The following CFHR5 variants were observed in gnomAD, a reference collection of about 807,000 sequenced individuals.
CFHR5 encodes complement factor H-related protein 5.
In CFHR5, 73 loss-of-function variants were observed where a neutral mutation model predicts 62.9. The observed-to-expected ratio is 1.16, with a 90% CI of 0.96 to 1.41. The LOEUF (loss-of-function observed/expected upper bound fraction) is 1.41, where lower values mean the gene tolerates loss of function less well. CFHR5 is among the 40% of genes most tolerant of loss of function. CFHR5 has a pLI of 0.00. For synonymous variants in CFHR5, 249 were observed against 227.2 expected, an observed-to-expected ratio of 1.10 and a Z score of -0.86; for missense variants, 779 against 679.9, an observed-to-expected ratio of 1.15 and a Z score of -1.62.
At chr1:196,981,763 T>C (rs578090020) in intron 1 of CFHR5, among the ~76,000 whole-genome samples, 2 of 152,126 alleles carry the variant, frequency 1.3e-5, no homozygotes, top group East Asian at 3.9e-4. Context: ...GCATATAACA[T>C]ATGCACATCC....
chr1:196,994,232 T>A lies in CFHR5; in HGVS notation c.583T>A (p.Ser195Thr), dbSNP rs318240755. Residue 195 changes from serine to threonine, a missense_variant, in exon 4 of 10, where the codon TCA (serine) becomes ACA (threonine). By Grantham distance (58) the Ser-to-Thr change is moderately conservative. Transcript: ENST00000256785. ...AGTTCAATGTTACCAATTTGGGTGG[T>A]CACCTAACTTTCCAACATGCAAAGG... Reference protein sequence around the residue: ...DSVQCYQFGWSPNFPTCKGQV... With the variant: ...DSVQCYQFGWTPNFPTCKGQV... The A allele has an allele frequency of 1.7e-5, 28 of 1,613,424 alleles. No individual in the cohort carries two copies. Among genetic ancestry groups the A allele is most frequent in the Non-Finnish European group, 2.4e-5 (28 of 1,179,656 alleles).
chr1:196,984,432 C>T (rs536167889), intron 3 of CFHR5, among the ~76,000 whole-genome samples: 1 of 152,054 alleles, frequency 6.6e-6, no homozygotes, highest in Admixed American at 6.6e-5. Context: ...TAAATGGTTA[C>T]AAAACTGAGG....
intron 3 of CFHR5, among the ~76,000 whole-genome samples, chr1:196,984,578 G>A (rs1205911771): frequency 6.6e-6 from 1 of 152,086 alleles, no homozygotes; most frequent in Non-Finnish European, 1.5e-5. Context: ...CTTCTGAGAG[G>A]TATGTGTATT....
rs575846706 is a variant in CFHR5 at position 196,984,877 on chromosome 1, C to T, written c.430+740C>T. The stretch of plus-strand genomic sequence containing the variant: ...CCAAGACTGACCTTACTAGTCTCAA[C>T]TAAAGAAGACCACTGAGTTCTTCCT... On this transcript the variant is annotated intron_variant, in intron 3 of 9. Coordinates refer to ENST00000256785, the MANE Select transcript of CFHR5 (RefSeq NM_030787.4). 3.3e-5 allele frequency among the ~76,000 whole-genome samples: 5 copies of T among 152,272 alleles called. No homozygotes were observed. In the South Asian group the frequency reaches 8.3e-4, roughly 25 times the overall value.
chr1:196,987,581 G>A (rs1653726830), intron 3 of CFHR5, among the ~76,000 whole-genome samples: 1 of 152,116 alleles, frequency 6.6e-6, no homozygotes, highest in South Asian at 2.1e-4. Context: ...TTCTACATAT[G>A]GCCAGGCAGT....
intron 3 of CFHR5, among the ~76,000 whole-genome samples, chr1:196,988,979 T>C (rs901993033): frequency 2.0e-5 from 3 of 152,094 alleles, no homozygotes; most frequent in Admixed American, 6.6e-5. Flanking sequence ...GGTAGAATTC[T>C]GCTGTGAATC....
chr1:197,002,843 G>C (rs1324625843), intron 8 of CFHR5, among the ~76,000 whole-genome samples, 179 bp downstream of exon 8: 1 of 152,122 alleles, frequency 6.6e-6, no homozygotes, highest in Non-Finnish European at 1.5e-5. Flanking sequence ...ATCTCCAACA[G>C]TGTTCATAGA....
In CFHR5 at chr1:196,982,988, C is replaced by A; in HGVS notation, c.162C>A (p.Ser54=). The change falls in exon 2 of 10, where the codon TCC becomes TCA. Residue 54 remains serine (S), a synonymous_variant. Coordinates refer to ENST00000256785, the MANE Select transcript of CFHR5 (RefSeq NM_030787.4). ...QVPTGEVFYY[S]CEYNFVSPSK... ...CTACAGGGGAAGTTTTCTATTACTC[C>A]TGTGAATATAATTTTGTGTCTCCTT... The A allele has an allele frequency of 1.2e-6, 2 of 1,614,074 alleles. No homozygotes were observed. The highest frequency in any genetic ancestry group is 1.7e-6 in the Non-Finnish European group (2 of 1,180,012).
intron 9 of CFHR5, among the ~76,000 whole-genome samples, chr1:197,007,588 CAT>C (rs1429913669): frequency 1.3e-5 from 2 of 150,248 alleles, no homozygotes; most frequent in Non-Finnish European, 3.0e-5. Flanking sequence ...ATTACATATA[CAT>C]GTGTGTATAT....
chr1:196,998,021 A>G, intron 6 of CFHR5, 107 bp from the exon 7 acceptor site: 1 of 726,736 alleles, frequency 1.4e-6, no homozygotes, highest in South Asian at 2.0e-5. Flanking sequence ...GATTAAGAAT[A>G]AGTTTTGTGA....
At chr1:196,980,460 T>C (rs1323100379) in intron 1 of CFHR5, among the ~76,000 whole-genome samples, 1 of 152,122 alleles carries the variant, frequency 6.6e-6, no homozygotes, top group East Asian at 1.9e-4. Flanking sequence ...TGGATTATGA[T>C]GTTGTGGTGG....
At chr1:196,985,943 A>G (rs1441824498) in intron 3 of CFHR5, among the ~76,000 whole-genome samples, 1 of 152,210 alleles carries the variant, frequency 6.6e-6, no homozygotes, top group Admixed American at 6.6e-5. Flanking sequence ...ATTTTATTTA[A>G]TCAGAAAAAG....
chr1:196,985,930 C>A (rs72468006), intron 3 of CFHR5, among the ~76,000 whole-genome samples: 30,530 of 152,108 alleles, frequency 0.2, 3,259 homozygotes, highest in Middle Eastern at 0.34. Flanking sequence ...CAAAATTTAG[C>A]ACATTTTATT....
At chr1:196,993,174 C>T (rs578119538) in intron 3 of CFHR5, among the ~76,000 whole-genome samples, 1 of 152,096 alleles carries the variant, frequency 6.6e-6, no homozygotes. Flanking sequence ...TTCAAAAAAC[C>T]TAGATGGGTT....
Position 197,009,648 on chromosome 1 carries a change from A to G in CFHR5, c.*965A>G, listed in dbSNP as rs1190308650. 1 of 152,060 alleles carries G rather than the reference A, an allele frequency of 6.6e-6. No homozygotes were observed. 9.4% of individuals were successfully genotyped at this position (152,060 alleles called of 1,614,324 possible). A position where few individuals can be genotyped will look rare whatever the true frequency, so the allele number is the denominator to read the frequency against. ...CTATCCAATACTAAATACCCCTTAAAGTATTAAATGCACTATCTGCTGTAA... is the reference window on the plus strand; with the variant it reads ...CTATCCAATACTAAATACCCCTTAAGGTATTAAATGCACTATCTGCTGTAA... On this transcript the variant is annotated 3_prime_UTR_variant, in exon 10 of 10. Coordinates refer to ENST00000256785, the MANE Select transcript of CFHR5 (RefSeq NM_030787.4).
intron 1 of CFHR5, among the ~76,000 whole-genome samples, chr1:196,981,735 G>C (rs1292506429): frequency 1.3e-5 from 2 of 151,880 alleles, no homozygotes; most frequent in Non-Finnish European, 2.9e-5. Context: ...GTCTCTAAGA[G>C]AGAATGGCGT....
chr1:196,998,875 C>T (rs775284637), intron 7 of CFHR5, among the ~76,000 whole-genome samples: 29 of 151,958 alleles, frequency 1.9e-4, no homozygotes, highest in Middle Eastern at 6.8e-3. Context: ...AAACAAAGTG[C>T]TTATAAAGGA....
chr1:197,004,591 A>G, intron 8 of CFHR5, 70 bp from the exon 9 acceptor site: 1 of 1,173,130 alleles, frequency 8.5e-7, no homozygotes, highest in Non-Finnish European at 1.3e-6. Flanking sequence ...AAGATATGAT[A>G]CATGATGCTT....
Position 196,998,191 on chromosome 1 carries a change from C to A in CFHR5, c.1034C>A (p.Ser345Tyr), listed in dbSNP as rs1183233748. The stretch of plus-strand genomic sequence containing the variant: ...AATATAAAAACATTACTCAAGCTAT[C>A]TGGGAAAGAATTTAATCATAATTCT... ...GVNIKTLLKL[S>Y]GKEFNHNSRI... Residue 345 changes from serine (S) to tyrosine (Y), a missense_variant, in exon 7 of 10, where the codon TCT becomes TAT. Transcript: ENST00000256785. The A allele has an allele frequency of 1.2e-6, 2 of 1,603,662 alleles. No homozygotes were observed. Among genetic ancestry groups the A allele is most frequent in the Non-Finnish European group, 1.7e-6 (2 of 1,174,048 alleles).
Sources: allele counts gnomAD v4.1 joint callset (sites outside exome capture counted in the v4.1 genomes callset), GRCh38; gene constraint gnomAD v4.1.1; transcripts MANE v1.5; gene names NCBI Gene and HGNC (gene_info 2026-07-23, HGNC 2026-07-21).